Variants in ABCA4 observed in about 807,000 individuals in gnomAD.
The protein encoded by ABCA4 is retinal-specific phospholipid-transporting ATPase ABCA4.
ABCA4 carries 196 observed loss-of-function variants against 263.7 expected under a neutral mutation model. That is an observed-to-expected ratio of 0.74 (90% confidence interval 0.66 to 0.84). ABCA4 has a LOEUF of 0.84. Among genes scored for constraint, ABCA4 ranks in the 40% least tolerant of loss-of-function variants. The pLI is 0.00. For missense variants in ABCA4, 2,792 were observed against 2,855.1 expected (o/e 0.98, Z 0.50); for synonymous variants, 1,133 against 1,094.2 (o/e 1.04, Z -0.70).
chr1:94,020,197 A>G (rs1466428010), intron 35 of ABCA4, among the ~76,000 whole-genome samples: 1 of 152,218 alleles, frequency 6.6e-6, no homozygotes, highest in East Asian at 1.9e-4. Context: ...CAAGAAGTAC[A>G]TCGTAACACA....
At chr1:94,035,193 T>C (rs138505071) in intron 26 of ABCA4, among the ~76,000 whole-genome samples, 81 of 152,366 alleles carry the variant, frequency 5.3e-4, no homozygotes, top group African/African-American at 1.9e-3. Context: ...AGAAGGAATA[T>C]TCTGCACAGG....
At chr1:94,007,768 C>A in intron 42 of ABCA4, 28 bp from the exon 43 acceptor site, 5 of 1,592,634 alleles carry the variant, frequency 3.1e-6, no homozygotes, top group Non-Finnish European at 4.3e-6. Flanking sequence ...GCTAGCCTGG[C>A]CCTAGAGATC....
chr1:94,100,760 T>C (rs1004301095), intron 5 of ABCA4, among the ~76,000 whole-genome samples: 4 of 152,130 alleles, frequency 2.6e-5, no homozygotes, highest in Non-Finnish European at 4.4e-5. Flanking sequence ...CCAGTCCTGA[T>C]GGTAAAGGAC....
intron 6 of ABCA4, among the ~76,000 whole-genome samples, chr1:94,092,296 T>C (rs1448615315): frequency 2.6e-5 from 4 of 152,194 alleles, no homozygotes; most frequent in Non-Finnish European, 5.9e-5. Flanking sequence ...GTTGAAGCAG[T>C]GGACAGAAGT....
chr1:94,025,307 CT>C (rs536774609), intron 30 of ABCA4, among the ~76,000 whole-genome samples: 30 of 152,330 alleles, frequency 2.0e-4, no homozygotes, highest in Non-Finnish European at 4.1e-4. Flanking sequence ...GTTTCTCCAG[CT>C]CCAATACTGC....
intron 20 of ABCA4, among the ~76,000 whole-genome samples, chr1:94,044,386 G>A (rs1184620978): frequency 2.0e-5 from 3 of 152,160 alleles, no homozygotes; most frequent in African/African-American, 7.2e-5. Flanking sequence ...TCACCCTTCT[G>A]AGGGAGGAGC....
intron 30 of ABCA4, among the ~76,000 whole-genome samples, chr1:94,027,554 G>C (rs1660075801): frequency 6.6e-6 from 1 of 152,220 alleles, no homozygotes; most frequent in Admixed American, 6.5e-5. Context: ...CAGCAGATGA[G>C]CTGTGATTCA....
intron 43 of ABCA4, among the ~76,000 whole-genome samples, chr1:94,006,680 G>C: frequency 6.6e-6 from 1 of 152,176 alleles, no homozygotes; most frequent in East Asian, 1.9e-4. Context: ...GGCTATGGAG[G>C]CCAAAGAATC....
At chr1:94,010,964 G>T (rs199915692) in intron 39 of ABCA4, 35 bp from the exon 40 acceptor site, 1 of 1,613,736 alleles carries the variant, frequency 6.2e-7, no homozygotes, top group Non-Finnish European at 8.5e-7. Flanking sequence ...CACTTCAGCC[G>T]CCCCAGCTCA....
In ABCA4 at chr1:94,029,498, G is replaced by T. The variant is rs1444297329; in HGVS notation, c.4486C>A (p.Leu1496Ile). 3 of 1,594,816 alleles carry T rather than the reference G, an allele frequency of 1.9e-6. No homozygotes were observed. The Admixed American group carries it at 5.2e-5, about 28-fold the overall frequency. The change falls in exon 30 of 50, where the codon CTC becomes ATC. Residue 1496 changes from leucine to isoleucine, a missense_variant. Physicochemically the swap from Leu to Ile is conservative, Grantham distance 5. Transcript: ENST00000370225. Reference sequence around the variant, plus strand: ...TCGGGGCACTCTGGCAGCATGGTGAGCTTCTCCCTGGTGCTGCACCTGCAG... The same window carrying T: ...TCGGGGCACTCTGGCAGCATGGTGATCTTCTCCCTGGTGCTGCACCTGCAG... ...PSCRCSTREK[L>I]TMLPECPEGA... is the part of the protein sequence containing the mutation.
chr1:93,996,041 A>G (rs1658989536), intron 49 of ABCA4, 68 bp downstream of exon 49: 1 of 1,465,612 alleles, frequency 6.8e-7, no homozygotes, highest in Non-Finnish European at 9.5e-7. Context: ...ACTCAAGCCC[A>G]GTGAACCAGC....
Position 94,042,372 on chromosome 1 carries a change from G to A in ABCA4, c.3328+389C>T, listed in dbSNP as rs58685748. Among the ~76,000 whole-genome samples the A allele has an allele frequency of 8.5e-3, 1,291 of 152,258 alleles. 20 individuals carry two copies. Among genetic ancestry groups the A allele is most frequent in the African/African-American group, 0.029 (1,213 of 41,542 alleles). ...CACCCTCTGGAGCACTGAATGCCCA[G>A]CAGGTCACCCTCACACTGGTCCTGA... is the stretch of plus-strand genomic sequence containing the variant. On this transcript the variant is annotated intron_variant, in intron 22 of 49. Transcript: ENST00000370225.
chr1:94,080,764 C>A, intron 7 of ABCA4, 46 bp from the exon 8 acceptor site: 1 of 1,613,514 alleles, frequency 6.2e-7, no homozygotes, highest in South Asian at 1.1e-5. Context: ...CAGCTAGAGT[C>A]ATAATCTGCT....
intron 36 of ABCA4, 88 bp downstream of exon 36, chr1:94,019,494 C>T: frequency 6.9e-7 from 1 of 1,445,862 alleles, no homozygotes; most frequent in Non-Finnish European, 9.4e-7. Flanking sequence ...GTGAGAACCC[C>T]TCCCCTCTTG....
chr1:93,995,836 A>G (rs539943008), intron 49 of ABCA4, among the ~76,000 whole-genome samples: 7 of 152,354 alleles, frequency 4.6e-5, no homozygotes, highest in African/African-American at 1.7e-4. Flanking sequence ...CTTTTCAAAA[A>G]TGCTCTCCCA....
In ABCA4 at chr1:94,014,189, GGAAGAAA is replaced by G. The variant is rs1421806271; in HGVS notation, c.5460+347_5460+353del. 2.0e-5 allele frequency among the ~76,000 whole-genome samples: 3 copies of G among 148,306 alleles called. No homozygotes were observed. In the East Asian group the frequency reaches 6.0e-4, roughly 29 times the overall value. On this transcript the variant is annotated intron_variant, in intron 38 of 49. Coordinates refer to ENST00000370225, the MANE Select transcript of ABCA4 (RefSeq NM_000350.3). ...AAAGGTGCTTATAGGAAGGAAAGAA[GGAAGAAA>G]GAAGGAAGGATGGAGGGAGGGATGG...
chr1:94,001,834 G>C, intron 45 of ABCA4, 24 bp downstream of exon 45: 1 of 1,614,158 alleles, frequency 6.2e-7, no homozygotes, highest in African/African-American at 1.3e-5. Flanking sequence ...TTAAGCCCTT[G>C]GTGCGGCCCA....
At chr1:94,059,083 A>C (rs1026916914) in intron 14 of ABCA4, among the ~76,000 whole-genome samples, 3 of 152,204 alleles carry the variant, frequency 2.0e-5, no homozygotes, top group Admixed American at 6.5e-5. Context: ...AGCTTTGAAG[A>C]CCTAATGGCC....
chr1:94,070,631 G>A (rs1038653316), intron 11 of ABCA4, among the ~76,000 whole-genome samples: 3 of 152,154 alleles, frequency 2.0e-5, no homozygotes, highest in Non-Finnish European at 2.9e-5. Flanking sequence ...ATGAAGGTGC[G>A]GAGGCGTATA....
Sources: allele counts gnomAD v4.1 joint callset (sites outside exome capture counted in the v4.1 genomes callset), GRCh38; gene constraint gnomAD v4.1.1; transcripts MANE v1.5; gene names NCBI Gene and HGNC (gene_info 2026-07-23, HGNC 2026-07-21).